The following USP50 variants were observed in gnomAD, a reference collection of about 807,000 sequenced individuals.
USP50 encodes ubiquitin carboxyl-terminal hydrolase 50.
A neutral mutation model predicts 39.2 loss-of-function variants in USP50; 37 were observed. The observed-to-expected ratio is 0.94, with a 90% CI of 0.73 to 1.24. The LOEUF (loss-of-function observed/expected upper bound fraction) is 1.24. USP50 is among the 50% of genes most tolerant of loss of function. The probability of loss-of-function intolerance (pLI) is 0.00; values close to 1 mark genes in which losing one functional copy is unlikely to be tolerated. For synonymous variants in USP50, 139 were observed against 144.5 expected (o/e 0.96, Z 0.27); for missense variants, 374 against 398.2 (o/e 0.94, Z 0.52).
chr15:50,521,484 C>T (rs1259150702), intron 6 of USP50, among the ~76,000 whole-genome samples: 2 of 152,138 alleles, frequency 1.3e-5, no homozygotes, highest in Admixed American at 1.3e-4. Flanking sequence ...CATCCCAAGG[C>T]ACTAGAGAAA....
intron 6 of USP50, among the ~76,000 whole-genome samples, chr15:50,526,854 A>G (rs1566908138): frequency 6.6e-6 from 1 of 152,226 alleles, no homozygotes; most frequent in East Asian, 1.9e-4. Flanking sequence ...TATTCTGTAA[A>G]ATGGGAATAA....
chr15:50,511,970 C>A (rs2052744249), intron 6 of USP50: 1 of 152,028 alleles, frequency 6.6e-6, no homozygotes, highest in Admixed American at 6.6e-5. Flanking sequence ...TGCACTCCAG[C>A]CTGAGCAAGA....
At chr15:50,534,780 T>A (rs2052966731) in intron 5 of USP50, among the ~76,000 whole-genome samples, 1 of 152,054 alleles carries the variant, frequency 6.6e-6, no homozygotes. Context: ...GATAAAGGGA[T>A]CACTTTTTCA....
intron 6 of USP50, among the ~76,000 whole-genome samples, chr15:50,521,115 C>A (rs1566906425): frequency 6.6e-6 from 1 of 152,160 alleles, no homozygotes; most frequent in Non-Finnish European, 1.5e-5. Context: ...CATCTCAGCT[C>A]ACTGCAACCT....
At chr15:50,533,470 T>C (rs972350525) in intron 5 of USP50, among the ~76,000 whole-genome samples, 6 of 147,884 alleles carry the variant, frequency 4.1e-5, no homozygotes, top group Admixed American at 1.3e-4. Flanking sequence ...GAAGCCAGAG[T>C]GGGGGGGAAA....
intron 6 of USP50, among the ~76,000 whole-genome samples, chr15:50,514,639 C>G (rs2052785178): frequency 6.6e-6 from 1 of 152,044 alleles, no homozygotes; most frequent in African/African-American, 2.4e-5. Flanking sequence ...TCAAGTGATT[C>G]TTCCTCAGCC....
At chr15:50,540,615 T>G (rs1596020583) in intron 4 of USP50, among the ~76,000 whole-genome samples, 1 of 152,250 alleles carries the variant, frequency 6.6e-6, no homozygotes, top group African/African-American at 2.4e-5. Context: ...GACTTCCTCT[T>G]TCTTTTATTT....
intron 6 of USP50, among the ~76,000 whole-genome samples, chr15:50,521,569 AAAC>A (rs1031042610): frequency 8.5e-5 from 13 of 152,190 alleles, no homozygotes; most frequent in Admixed American, 2.0e-4. Context: ...AGGACTAGAA[AAAC>A]AACAACAACA....
chr15:50,519,702 G>A (rs374237599), intron 6 of USP50, among the ~76,000 whole-genome samples: 5 of 151,174 alleles, frequency 3.3e-5, no homozygotes, highest in Non-Finnish European at 4.4e-5. Context: ...GCAAAAGAGC[G>A]AGACTCCGTC....
downstream of USP50, among the ~76,000 whole-genome samples, chr15:50,497,850 TGA>T (rs2052476791): frequency 6.6e-6 from 1 of 152,198 alleles, no homozygotes; most frequent in Non-Finnish European, 1.5e-5. Flanking sequence ...ACTTTTTTAT[TGA>T]GAGCTGTAAT....
chr15:50,537,668 G>A (rs537319452), intron 5 of USP50, among the ~76,000 whole-genome samples: 37 of 149,696 alleles, frequency 2.5e-4, no homozygotes, highest in African/African-American at 8.4e-4. Flanking sequence ...AGACCAGCCT[G>A]GGCAACATGG....
At position 50,543,650 on chromosome 15, in the gene USP50, G is replaced by T; in HGVS notation, c.392C>A (p.Ala131Asp). Residue 131 changes from alanine (A) to aspartate (D), a missense_variant, in exon 3 of 7, where the codon GCT becomes GAT. Physicochemically the swap from Ala to Asp is moderately radical, Grantham distance 126 (BLOSUM62 -2). Coordinates refer to ENST00000532404, the MANE Select transcript of USP50 (RefSeq NM_203494.5). ...PAFTKKMQQD[A>D]QEFLICVLNE... ...TAGGACACAAATCAAGAATTCCTGA[G>T]CATCTTGTTGCATCTTTTTCGTAAA... The T allele has an allele frequency of 6.2e-7, 1 of 1,613,684 alleles. No individual in the cohort carries two copies. Among genetic ancestry groups the T allele is most frequent in the Non-Finnish European group, 8.5e-7 (1 of 1,179,774 alleles).
chr15:50,493,383 T>TA, downstream of USP50: 1 of 519,474 alleles, frequency 1.9e-6, no homozygotes, highest in Non-Finnish European at 3.8e-6. Context: ...GAACCCATTT[T>TA]ACCTTTCAAA....
At chr15:50,517,472 C>CAAAAAA (rs55860665) in intron 6 of USP50, among the ~76,000 whole-genome samples, 1 of 141,010 alleles carries the variant, frequency 7.1e-6, no homozygotes. Context: ...AACTCCATCT[C>CAAAAAA]AAAAAAAAAA....
At chr15:50,497,025 G>A, downstream of USP50, 1 of 1,534,908 alleles carries the variant, frequency 6.5e-7, no homozygotes, top group South Asian at 1.3e-5. Context: ...AACTAAATAG[G>A]TGCTCTCTGA....
downstream of USP50, chr15:50,493,848 TGAG>T (rs1053146085): frequency 7.3e-5 from 50 of 683,482 alleles, no homozygotes; most frequent in African/African-American, 7.4e-4. Context: ...CTGTTGATGA[TGAG>T]GAGACCATGC....
At position 50,500,725 on chromosome 15, in the gene USP50, G is replaced by T. The variant is rs1486203794; in HGVS notation, c.*44C>A. ...CAGGAGATCCATAGCATTTTGAACA[G>T]AAGTATCTGGAATCTCACTGACTCG... On this transcript the variant is annotated 3_prime_UTR_variant, in exon 7 of 7. Coordinates refer to ENST00000532404, the MANE Select transcript of USP50 (RefSeq NM_203494.5). 2.0e-6 allele frequency: 3 copies of T among 1,532,952 alleles called. No homozygotes were observed. The East Asian group carries it at 7.2e-5, about 37-fold the overall frequency. 95.0% of individuals were successfully genotyped at this position (1,532,952 alleles called of 1,614,324 possible). A position where few individuals can be genotyped will look rare whatever the true frequency, so the allele number is the denominator to read the frequency against.
At chr15:50,499,172 T>C, downstream of USP50, 4 of 1,370,316 alleles carry the variant, frequency 2.9e-6, no homozygotes, top group South Asian at 1.5e-5. Flanking sequence ...ATGGTAGCTA[T>C]AGCTGGCCAT....
At chr15:50,524,764 C>T (rs2052875490) in intron 6 of USP50, among the ~76,000 whole-genome samples, 1 of 152,124 alleles carries the variant, frequency 6.6e-6, no homozygotes, top group African/African-American at 2.4e-5. Context: ...GTCTCAGATA[C>T]TTGGGAGGCT....
Sources: gnomAD v4.1 joint callset for allele counts (sites outside exome capture counted in the v4.1 genomes callset) on GRCh38, gnomAD v4.1.1 for gene constraint, MANE v1.5 for transcripts, NCBI Gene and HGNC (gene_info 2026-07-23, HGNC 2026-07-21) for gene names.